Variants in TENM4 observed in about 807,000 individuals in gnomAD.
TENM4 encodes the protein teneurin-4.
TENM4 carries 82 observed loss-of-function variants against 243.3 expected under a neutral mutation model. The observed-to-expected ratio is 0.34, with a 90% CI of 0.28 to 0.40. TENM4 has a LOEUF of 0.40. Ranked by LOEUF, TENM4 falls within the 10% of genes least tolerant of loss-of-function variation. The pLI is 1.00. For synonymous variants in TENM4, 1,412 were observed against 1,456.3 expected, an observed-to-expected ratio of 0.97 and a Z score of 0.69; for missense variants, 3,138 against 3,673.3, an observed-to-expected ratio of 0.85 and a Z score of 3.77.
At chr11:78,891,118 G>T in intron 8 of TENM4, 120 bp downstream of exon 8, 1 of 835,910 alleles carries the variant, frequency 1.2e-6, no homozygotes, top group Non-Finnish European at 1.9e-6. Flanking sequence ...ACTTGGTGAT[G>T]AGCATGCCAC....
intron 4 of TENM4, among the ~76,000 whole-genome samples, chr11:79,143,258 A>G (rs1862328010): frequency 6.6e-6 from 1 of 152,166 alleles, no homozygotes; most frequent in Non-Finnish European, 1.5e-5. Flanking sequence ...TCACAATAGC[A>G]AAGACTTGGA....
At chr11:79,003,584 T>C (rs1858392608) in intron 6 of TENM4, among the ~76,000 whole-genome samples, 1 of 152,104 alleles carries the variant, frequency 6.6e-6, no homozygotes, top group African/African-American at 2.4e-5. Flanking sequence ...AAAATACTTT[T>C]CAGATAAGCA....
chr11:79,183,239 G>C (rs984896147), intron 3 of TENM4, among the ~76,000 whole-genome samples: 1 of 152,138 alleles, frequency 6.6e-6, no homozygotes, highest in African/African-American at 2.4e-5. Flanking sequence ...AAGTAAATGA[G>C]CTATCAAGCC....
At chr11:79,099,505 C>G (rs1210974583) in intron 4 of TENM4, among the ~76,000 whole-genome samples, 1 of 152,122 alleles carries the variant, frequency 6.6e-6, no homozygotes, top group Non-Finnish European at 1.5e-5. Flanking sequence ...TGGATGATAT[C>G]ATCATCAGGT....
At chr11:78,971,919 T>C (rs1000432223) in intron 6 of TENM4, among the ~76,000 whole-genome samples, 3 of 152,104 alleles carry the variant, frequency 2.0e-5, no homozygotes, top group Admixed American at 1.3e-4. Context: ...TTAAGTGACG[T>C]GGGAAATAGG....
chr11:78,865,871 ATGAGTATAGAAAGCT>A lies in TENM4; in HGVS notation c.1085-2754_1085-2740del, dbSNP rs1565413707. Among the ~76,000 whole-genome samples, 10 of 152,366 alleles carry A rather than the reference ATGAGTATAGAAAGCT, an allele frequency of 6.6e-5. No homozygotes were observed. The South Asian group carries it at 2.1e-3, about 32-fold the overall frequency. ...TAGCTGCATTCTTCTCATCTGAGCA[ATGAGTATAGAAAGCT>A]TCAAAACATTGTTGTACCTAATGAG... On this transcript the variant is annotated intron_variant, in intron 9 of 33. Coordinates refer to ENST00000278550, the MANE Select transcript of TENM4 (RefSeq NM_001098816.3).
intron 7 of TENM4, among the ~76,000 whole-genome samples, chr11:78,898,023 G>C (rs1855838400): frequency 6.6e-6 from 1 of 152,204 alleles, no homozygotes; most frequent in African/African-American, 2.4e-5. Flanking sequence ...ACAGTCCCTG[G>C]GAAATCAATT....
Position 78,970,621 on chromosome 11 carries a change from C to T in TENM4, c.494-67098G>A, listed in dbSNP as rs118111508. 3.3e-3 allele frequency among the ~76,000 whole-genome samples: 505 copies of T among 152,226 alleles called. 3 individuals are homozygous for T. The highest frequency in any genetic ancestry group is 5.1e-3 in the African/African-American group (212 of 41,554). On this transcript the variant is annotated intron_variant, in intron 6 of 33. Coordinates refer to ENST00000278550, the MANE Select transcript of TENM4 (RefSeq NM_001098816.3). ...GCAGGTCAACAAAGCAGTCCAAGAT[C>T]GTGGGCAAAGCAGTCCAAGATCCTT...
intron 31 of TENM4, among the ~76,000 whole-genome samples, chr11:78,671,374 G>C (rs1158094721): frequency 4.6e-5 from 7 of 152,198 alleles, no homozygotes; most frequent in African/African-American, 1.7e-4. Flanking sequence ...AGCAAGCACA[G>C]CCTATGCCCT....
At chr11:79,141,148 A>G (rs1232697981) in intron 4 of TENM4, among the ~76,000 whole-genome samples, 1 of 151,960 alleles carries the variant, frequency 6.6e-6, no homozygotes, top group Admixed American at 6.6e-5. Context: ...CTCTGCTCCT[A>G]ATTCCCTTCT....
At chr11:79,435,692 C>T (rs1859258653) in intron 1 of TENM4, among the ~76,000 whole-genome samples, 5 of 152,172 alleles carry the variant, frequency 3.3e-5, no homozygotes, top group South Asian at 2.1e-4. Flanking sequence ...CTGAGAACCC[C>T]GGGCGGAGAC....
intron 4 of TENM4, among the ~76,000 whole-genome samples, chr11:79,129,568 C>T (rs115457477): frequency 2.2e-3 from 336 of 152,196 alleles, no homozygotes; most frequent in African/African-American, 7.5e-3. Context: ...TGAGACTGGC[C>T]CTTGGGTTTG....
intron 3 of TENM4, among the ~76,000 whole-genome samples, chr11:79,201,798 A>C (rs1863743569): frequency 6.6e-6 from 1 of 152,170 alleles, no homozygotes. Context: ...TTTTCAGGTA[A>C]AGTGACCCAA....
In TENM4 at chr11:78,658,712, C is replaced by CA; in HGVS notation, c.7655_7656insT (p.Gln2552HisfsTer38). 6 of 1,614,012 alleles carry CA rather than the reference C, an allele frequency of 3.7e-6. No individual in the cohort carries two copies. Among genetic ancestry groups the CA allele is most frequent in the Non-Finnish European group, 5.1e-6 (6 of 1,179,894 alleles). On this transcript the variant is annotated frameshift_variant, in exon 34 of 34. Coordinates refer to ENST00000278550, the MANE Select transcript of TENM4 (RefSeq NM_001098816.3). LOFTEE classifies it high-confidence loss of function. Reference sequence around the variant, plus strand: ...ATGCAAACTTCTTGGTCTTTGGAGCCTGCTGGCAGCTGGTGATTGTGGAGC... The same window carrying CA: ...ATGCAAACTTCTTGGTCTTTGGAGCCATGCTGGCAGCTGGTGATTGTGGAGC...
chr11:79,183,611 G>T (rs577036266), intron 3 of TENM4, among the ~76,000 whole-genome samples: 9 of 152,220 alleles, frequency 5.9e-5, no homozygotes, highest in African/African-American at 1.7e-4. Flanking sequence ...CTCTGGTTTG[G>T]GATATTGATG....
At chr11:78,910,535 TC>T (rs1856162990) in intron 6 of TENM4, among the ~76,000 whole-genome samples, 1 of 152,238 alleles carries the variant, frequency 6.6e-6, no homozygotes, top group African/African-American at 2.4e-5. Context: ...ACTTCCAGTC[TC>T]AGTTCTGCCT....
chr11:79,425,417 A>G (rs1013483331), intron 1 of TENM4, among the ~76,000 whole-genome samples: 5 of 152,122 alleles, frequency 3.3e-5, no homozygotes, highest in Admixed American at 6.6e-5. Context: ...CTCTCCCCAC[A>G]TCCCTAGCAC....
At chr11:78,943,413 G>T (rs944603661) in intron 6 of TENM4, among the ~76,000 whole-genome samples, 1 of 152,232 alleles carries the variant, frequency 6.6e-6, no homozygotes, top group Non-Finnish European at 1.5e-5. Flanking sequence ...TTATCCTGAG[G>T]AATGTGGAGA....
At chr11:78,788,456 C>T (rs564734145) in intron 15 of TENM4, among the ~76,000 whole-genome samples, 8 of 152,342 alleles carry the variant, frequency 5.3e-5, no homozygotes, top group African/African-American at 1.9e-4. Context: ...ATGCCAGGCT[C>T]AGGAGCTTCT....
Sources: gnomAD v4.1 joint callset for allele counts (sites outside exome capture counted in the v4.1 genomes callset) on GRCh38, gnomAD v4.1.1 for gene constraint, MANE v1.5 for transcripts, NCBI Gene and HGNC (gene_info 2026-07-23, HGNC 2026-07-21) for gene names.